The following RELN variants were observed in gnomAD, a reference collection of about 807,000 sequenced individuals.
RELN encodes reelin.
Under a neutral mutation model 427.6 loss-of-function variants are expected in RELN, and 108 were observed. That is an observed-to-expected ratio of 0.25 (90% confidence interval 0.22 to 0.30). The LOEUF is 0.30. RELN is among the 10% of genes least tolerant of loss of function. RELN has a pLI of 1.00. For synonymous variants in RELN, 1,524 were observed against 1,513.4 expected (o/e 1.01, Z -0.16); for missense variants, 3,715 against 4,302.8 (o/e 0.86, Z 3.82).
At chr7:103,501,002 T>TACTC (rs1829008468) in intron 52 of RELN, 80 bp from the exon 53 acceptor site, 18 of 1,280,936 alleles carry the variant, frequency 1.4e-5, no homozygotes, top group Non-Finnish European at 1.7e-5. Flanking sequence ...GTGTATTCAG[T>TACTC]ACTCAAGAGA....
chr7:103,488,600 G>A (rs753207850), intron 60 of RELN, among the ~76,000 whole-genome samples: 11 of 152,296 alleles, frequency 7.2e-5, no homozygotes, highest in African/African-American at 1.9e-4. Flanking sequence ...AAATAGATCC[G>A]ACTCCAGAAT....
At chr7:103,496,872 C>T in intron 55 of RELN, 104 bp from the exon 56 acceptor site, 1 of 1,368,422 alleles carries the variant, frequency 7.3e-7, no homozygotes, top group African/African-American at 1.4e-5. Flanking sequence ...AAGAAATTTT[C>T]AGCCAGGAAA....
At chr7:103,753,340 T>C in intron 4 of RELN, 126 bp from the exon 5 acceptor site, 1 of 878,254 alleles carries the variant, frequency 1.1e-6, no homozygotes, top group East Asian at 2.4e-5. Context: ...TACAGACTTT[T>C]TAGTCTTTTT....
At chr7:103,799,643 T>G (rs1792395263) in intron 3 of RELN, among the ~76,000 whole-genome samples, 1 of 152,216 alleles carries the variant, frequency 6.6e-6, no homozygotes, top group African/African-American at 2.4e-5. Context: ...TTTCCCAAAC[T>G]AAACTAAATT....
chr7:103,669,126 C>T (rs1196707960), intron 11 of RELN, among the ~76,000 whole-genome samples: 2 of 152,014 alleles, frequency 1.3e-5, no homozygotes. Context: ...CTGACATATC[C>T]ATTTTTTTCT....
chr7:103,551,661 C>T (rs1240291450), intron 40 of RELN, among the ~76,000 whole-genome samples: 9 of 152,246 alleles, frequency 5.9e-5, no homozygotes, highest in South Asian at 2.1e-4. Flanking sequence ...TAGCTTCCCC[C>T]CCATCTAGGT....
chr7:103,850,464 G>A (rs533968881), intron 2 of RELN, among the ~76,000 whole-genome samples: 1 of 152,330 alleles, frequency 6.6e-6, no homozygotes, highest in East Asian at 1.9e-4. Flanking sequence ...TGGGTTGCCA[G>A]GCGGCCCATT....
intron 3 of RELN, among the ~76,000 whole-genome samples, chr7:103,811,095 A>G (rs576510930): frequency 1.3e-5 from 2 of 152,356 alleles, no homozygotes; most frequent in South Asian, 2.1e-4. Context: ...TGCAAAAGGT[A>G]TTTTTAAAAA....
chr7:103,689,783 C>T (rs1298402671), intron 10 of RELN, among the ~76,000 whole-genome samples: 2 of 151,942 alleles, frequency 1.3e-5, no homozygotes, highest in African/African-American at 4.8e-5. Flanking sequence ...CTGACCTTTG[C>T]AGCTCTTGAT....
chr7:103,818,794 A>G (rs1792945044), intron 3 of RELN, among the ~76,000 whole-genome samples: 1 of 152,150 alleles, frequency 6.6e-6, no homozygotes, highest in African/African-American at 2.4e-5. Flanking sequence ...CACTCATAAT[A>G]TAATGTAATG....
intron 4 of RELN, among the ~76,000 whole-genome samples, chr7:103,770,369 CCACCG>C (rs1791534597): frequency 6.6e-6 from 1 of 152,206 alleles, no homozygotes. Flanking sequence ...CAGGCATGAG[CCACCG>C]CGCCCCGCCC....
At chr7:103,701,671 T>C (rs188014052) in intron 8 of RELN, among the ~76,000 whole-genome samples, 52 of 152,290 alleles carry the variant, frequency 3.4e-4, no homozygotes, top group Non-Finnish European at 5.3e-4. Flanking sequence ...TAAGAATTTG[T>C]TTCTACATGT....
intron 3 of RELN, among the ~76,000 whole-genome samples, chr7:103,796,689 T>C (rs1349405260): frequency 1.3e-5 from 2 of 151,920 alleles, no homozygotes; most frequent in African/African-American, 4.8e-5. Flanking sequence ...GCCAAAAACC[T>C]GTCTCAACTA....
At chr7:103,840,786 T>C (rs1296673279) in intron 2 of RELN, among the ~76,000 whole-genome samples, 1 of 152,208 alleles carries the variant, frequency 6.6e-6, no homozygotes, top group Non-Finnish European at 1.5e-5. Flanking sequence ...TTGAATTTCA[T>C]AATAAATTTA....
intron 41 of RELN, among the ~76,000 whole-genome samples, chr7:103,549,142 C>G (rs188872898): frequency 2.8e-4 from 43 of 152,128 alleles, no homozygotes; most frequent in Non-Finnish European, 5.6e-4. Context: ...GCCTGTCTTA[C>G]TCCATTCAGG....
intron 28 of RELN, among the ~76,000 whole-genome samples, chr7:103,576,037 C>A (rs1001756149): frequency 2.0e-5 from 3 of 152,092 alleles, no homozygotes; most frequent in Non-Finnish European, 4.4e-5. Context: ...TTGAGACCAT[C>A]CTGGCTAACA....
At chr7:103,966,452 T>G (rs1028553799) in intron 1 of RELN, among the ~76,000 whole-genome samples, 1 of 152,234 alleles carries the variant, frequency 6.6e-6, no homozygotes, top group East Asian at 1.9e-4. Flanking sequence ...GCCGAGAACA[T>G]GTAAACTCCA....
chr7:103,778,313 G>A (rs534103803), intron 3 of RELN, among the ~76,000 whole-genome samples: 2 of 152,138 alleles, frequency 1.3e-5, no homozygotes, highest in Non-Finnish European at 2.9e-5. Flanking sequence ...TAGCAACACA[G>A]TGATCACCAA....
At chr7:103,492,137 G>A in intron 57 of RELN, 111 bp from the exon 58 acceptor site, 1 of 858,344 alleles carries the variant, frequency 1.2e-6, no homozygotes, top group Non-Finnish European at 1.9e-6. Flanking sequence ...ATTCAGAGAA[G>A]CTTTTATAGA....
Sources: gnomAD v4.1 joint callset for allele counts (sites outside exome capture counted in the v4.1 genomes callset) on GRCh38, gnomAD v4.1.1 for gene constraint, MANE v1.5 for transcripts, NCBI Gene and HGNC (gene_info 2026-07-23, HGNC 2026-07-21) for gene names.